TMPRSS9: variants seen among roughly 807,000 people sequenced by gnomAD.
TMPRSS9 encodes transmembrane serine protease 9, also known as transmembrane protease serine 9.
TMPRSS9 carries 113 observed loss-of-function variants against 111.4 expected under a neutral mutation model. The ratio of observed to expected loss-of-function variants is 1.01; its 90% confidence interval spans 0.87 to 1.19. TMPRSS9 has a LOEUF of 1.19. TMPRSS9 is among the 50% of genes most tolerant of loss of function. The probability of loss-of-function intolerance (pLI) is 0.00; values close to 1 mark genes in which losing one functional copy is unlikely to be tolerated. For missense variants in TMPRSS9, 1,803 were observed against 1,513.1 expected (o/e 1.19, Z -3.18); for synonymous variants, 805 against 659.1 (o/e 1.22, Z -3.39).
At chr19:2,411,389 T>G (rs4807261) in intron 9 of TMPRSS9, among the ~76,000 whole-genome samples, 22,380 of 126,940 alleles carry the variant, frequency 0.18, 2,616 homozygotes, top group Admixed American at 0.31. Flanking sequence ...AACCTTCTTT[T>G]TCTTCTTCTT....
At position 2,422,036 on chromosome 19, in the gene TMPRSS9, C is replaced by CG. The variant is rs761601553; in HGVS notation, c.2337_2338insG (p.Ser780ValfsTer52). 2 of 1,612,844 alleles carry CG rather than the reference C, an allele frequency of 1.2e-6. No homozygotes were observed. The highest frequency in any genetic ancestry group is 3.3e-5 in the Admixed American group (2 of 59,998). On this transcript the variant is annotated frameshift_variant, in exon 14 of 18. Coordinates refer to ENST00000648592, the Ensembl canonical transcript of TMPRSS9. LOFTEE classifies it high-confidence loss of function. ...CCCAGCCCCTTCCCATGTCTCCCCC[C>CG]TCGACCACAAGGATGCTGGCCACCA...
intron 1 of TMPRSS9, among the ~76,000 whole-genome samples, chr19:2,381,931 C>T (rs1970390579): frequency 6.6e-6 from 1 of 152,220 alleles, no homozygotes. Context: ...CAACCTCCAC[C>T]TCCTGGGTTC....
intron 10 of TMPRSS9, 113 bp downstream of exon 11, chr19:2,414,131 T>C (rs1971166233): frequency 8.8e-7 from 1 of 1,134,728 alleles, no homozygotes; most frequent in Non-Finnish European, 1.2e-6. Context: ...CAAGGAAAGG[T>C]CACATGTGTA....
At position 2,389,821 on chromosome 19, in the gene TMPRSS9, C is replaced by G. The variant is rs768644833; in HGVS notation, c.36C>G (p.Pro12=). Residue 12 remains proline, a synonymous_variant, in exon 1 of 18, where the codon CCC becomes CCG. Transcript: ENST00000648592. ...CTGTGGCTGACGTACACCTCGTGCC[C>G]AGGACAACCAAGGAAGTCCCCGCTC... 3.7e-6 allele frequency: 6 copies of G among 1,613,958 alleles called. No individual in the cohort carries two copies. In the South Asian group the frequency reaches 5.5e-5, roughly 15 times the overall value.
At chr19:2,425,749 G>A (rs1003102569) in intron 17 of TMPRSS9, 178 bp from the exon 19 acceptor site, 61 of 1,164,236 alleles carry the variant, frequency 5.2e-5, no homozygotes, top group Non-Finnish European at 6.8e-5. Context: ...TCCACTCCGG[G>A]ACCACGTGGC....
chr19:2,421,671 A>C (rs1049118401), intron 13 of TMPRSS9, among the ~76,000 whole-genome samples, 183 bp from the exon 15 acceptor site: 7 of 152,168 alleles, frequency 4.6e-5, no homozygotes, highest in African/African-American at 1.4e-4. Context: ...AGAGAGGAGA[A>C]GTGACTCACT....
intron 1 of TMPRSS9, among the ~76,000 whole-genome samples, chr19:2,363,797 T>TGCGC (rs1568464296): frequency 9.2e-5 from 12 of 130,670 alleles, no homozygotes; most frequent in African/African-American, 3.5e-4. Context: ...TGAGTGTGTG[T>TGCGC]GTGTGTGCGT....
chr19:2,424,147 TG>T lies in TMPRSS9; in HGVS notation c.2611del (p.Glu871SerfsTer6). The T allele has an allele frequency of 6.9e-7, 1 of 1,445,230 alleles. No individual in the cohort carries two copies. The highest frequency in any genetic ancestry group is 9.1e-7 in the Non-Finnish European group (1 of 1,093,578). 89.5% of individuals were successfully genotyped at this position (1,445,230 alleles called of 1,614,324 possible). A position where few individuals can be genotyped will look rare whatever the true frequency, so the allele number is the denominator to read the frequency against. ...TTGTGGGCGGCAGCGCAGCGGGCCG[TG>T]GGGAGTGGCCGTGGCAGGTGAGCCT... On this transcript the variant is annotated frameshift_variant, in exon 15 of 18. Transcript: ENST00000648592. LOFTEE classifies it high-confidence loss of function.
chr19:2,422,612 G>A (rs536791717), intron 14 of TMPRSS9, among the ~76,000 whole-genome samples: 12 of 152,156 alleles, frequency 7.9e-5, no homozygotes, highest in Middle Eastern at 3.4e-3. Context: ...CTGGCTGGGC[G>A]CGGTGGCTCA....
At chr19:2,399,629 G>A (rs1006772157) in intron 4 of TMPRSS9, among the ~76,000 whole-genome samples, 2 of 152,318 alleles carry the variant, frequency 1.3e-5, no homozygotes, top group African/African-American at 2.4e-5. Context: ...TGCCTTAATG[G>A]TGTGGATAAG....
intron 2 of TMPRSS9, among the ~76,000 whole-genome samples, chr19:2,397,784 G>T (rs1970740772): frequency 6.6e-6 from 1 of 151,728 alleles, no homozygotes; most frequent in Non-Finnish European, 1.5e-5. Flanking sequence ...GCGGGGCGTG[G>T]TGGTGTGTGC....
intron 1 of TMPRSS9, among the ~76,000 whole-genome samples, chr19:2,368,788 T>G (rs867827448): frequency 8.7e-6 from 1 of 114,372 alleles, no homozygotes; most frequent in Non-Finnish European, 1.7e-5. Context: ...TTTTTTTTTT[T>G]TTTTTTTTTT....
chr19:2,408,433 C>T, exon 8 of TMPRSS9: 3 of 1,613,876 alleles, frequency 1.9e-6, no homozygotes, highest in Non-Finnish European at 2.5e-6. Context: ...ACCGTGCGGG[C>T]CCAGGTGGTC....
At chr19:2,411,518 C>G (rs1971096911) in intron 9 of TMPRSS9, among the ~76,000 whole-genome samples, 1 of 150,060 alleles carries the variant, frequency 6.7e-6, no homozygotes, top group Non-Finnish European at 1.5e-5. Context: ...CTGCCTCAGC[C>G]TCCAGAGTAG....
At position 2,413,846 on chromosome 19, in the gene TMPRSS9, G is replaced by A. The variant is rs747714467; in HGVS notation, c.1401G>A (p.Glu467=). 4 of 1,613,588 alleles carry A rather than the reference G, an allele frequency of 2.5e-6. No individual in the cohort carries two copies. The African/African-American group carries it at 5.3e-5, about 22-fold the overall frequency. The change falls in exon 10 of 18, where the codon GAG becomes GAA. Residue 467 remains glutamate, a synonymous_variant. Transcript: ENST00000648592. ...CCAGGCTACGTGACTGGATCCTGGAGGCCACCACCAAAGCCAGCATGCCTC... is the reference window on the plus strand; with the variant it reads ...CCAGGCTACGTGACTGGATCCTGGAAGCCACCACCAAAGCCAGCATGCCTC...
intron 4 of TMPRSS9, among the ~76,000 whole-genome samples, chr19:2,399,572 G>A (rs1047767090): frequency 6.8e-5 from 10 of 147,282 alleles, no homozygotes; most frequent in Non-Finnish European, 1.1e-4. Context: ...GTGAAACTTC[G>A]TTTCAAAAAC....
intron 6 of TMPRSS9, among the ~76,000 whole-genome samples, chr19:2,404,210 T>TA (rs1243968503): frequency 6.6e-6 from 1 of 151,964 alleles, no homozygotes; most frequent in Non-Finnish European, 1.5e-5. Context: ...AATGTTTCTA[T>TA]AAAAATACTA....
chr19:2,424,650 C>G (rs1023786128), intron 15 of TMPRSS9, among the ~76,000 whole-genome samples: 1 of 152,086 alleles, frequency 6.6e-6, no homozygotes, highest in Non-Finnish European at 1.5e-5. Context: ...TAGAAAGCTG[C>G]CCTCCCCAGG....
At chr19:2,403,241 C>T in intron 6 of TMPRSS9, 46 bp downstream of exon 7, 7 of 1,487,940 alleles carry the variant, frequency 4.7e-6, no homozygotes, top group Non-Finnish European at 5.5e-6. Context: ...TTCCCTTTTC[C>T]AGGGTCAGCT....
Sources: gnomAD v4.1 joint callset for allele counts (sites outside exome capture counted in the v4.1 genomes callset) on GRCh38, gnomAD v4.1.1 for gene constraint, MANE v1.5 for transcripts, NCBI Gene and HGNC (gene_info 2026-07-23, HGNC 2026-07-21) for gene names.